HTT: variants seen among roughly 807,000 people sequenced by gnomAD.
HTT encodes huntington disease protein.
HTT carries 104 observed loss-of-function variants against 362.3 expected under a neutral mutation model. That is an observed-to-expected ratio of 0.29 (90% confidence interval 0.24 to 0.34). The LOEUF (loss-of-function observed/expected upper bound fraction) is 0.34. Ranked by LOEUF, HTT falls within the 10% of genes least tolerant of loss-of-function variation. The probability of loss-of-function intolerance (pLI) is 1.00; values close to 1 mark genes in which losing one functional copy is unlikely to be tolerated. For missense variants in HTT, 3,301 were observed against 3,928.6 expected (o/e 0.84, Z 4.27); for synonymous variants, 1,577 against 1,548.7 (o/e 1.02, Z -0.43).
Position 3,212,805 on chromosome 4 carries a change from T to G in HTT, c.6774+96T>G, listed in dbSNP as rs362334. On this transcript the variant is annotated intron_variant, in intron 49 of 66. Transcript: ENST00000355072. Reference sequence around the variant, plus strand: ...GCAGTTTTATTTGAAAAGCAAGATCTCTGACCAGTCCAGTCACTTTTCCAT... The same window carrying G: ...GCAGTTTTATTTGAAAAGCAAGATCGCTGACCAGTCCAGTCACTTTTCCAT... 1.1e-4 allele frequency: 136 copies of G among 1,281,928 alleles called. No homozygotes were observed. The African/African-American group carries it at 1.8e-3, about 17-fold the overall frequency. 79.4% of individuals were successfully genotyped at this position (1,281,928 alleles called of 1,614,324 possible). A position where few individuals can be genotyped will look rare whatever the true frequency, so the allele number is the denominator to read the frequency against.
intron 42 of HTT, among the ~76,000 whole-genome samples, chr4:3,204,633 C>A (rs2110267405): frequency 6.6e-6 from 1 of 152,030 alleles, no homozygotes; most frequent in Admixed American, 6.5e-5. Context: ...TTGAGACAAG[C>A]CTGGGCTATG....
rs944455694 is a variant in HTT, at chr4:3,078,812, G to A, written c.263+3724G>A. ...TGCAGTGGCGCGATCTCAGCTCACT[G>A]CAAGCTCCGCTTCCCGAGTTCACGC... On this transcript the variant is annotated intron_variant, in intron 1 of 66. Transcript: ENST00000355072. Among the ~76,000 whole-genome samples the A allele has an allele frequency of 6.9e-4, 104 of 151,152 alleles. 1 individual carries two copies. The highest frequency in any genetic ancestry group is 2.1e-4 in the Non-Finnish European group (14 of 67,916).
intron 40 of HTT, among the ~76,000 whole-genome samples, chr4:3,190,363 A>G (rs1438857177): frequency 6.6e-6 from 1 of 150,888 alleles, no homozygotes; most frequent in Non-Finnish European, 1.5e-5. Flanking sequence ...TCCAAAAAAA[A>G]AAAAAAGTAA....
intron 21 of HTT, among the ~76,000 whole-genome samples, chr4:3,137,973 T>C (rs1716148336): frequency 6.6e-6 from 1 of 152,240 alleles, no homozygotes; most frequent in Non-Finnish European, 1.5e-5. Context: ...TGTGTAGACA[T>C]GTCTTCATTT....
In HTT at chr4:3,228,941, C is replaced by G; in HGVS notation, c.8041C>G (p.Arg2681Gly). The part of the protein sequence containing the change: ...CSQFLLELYS[R>G]WILPSSSARR... ...GCAGTTTTTGCTTGAGTTGTACAGC[C>G]GCTGGATCCTGCCGTCCAGCTCAGC... The change falls in exon 59 of 67, where the codon CGC becomes GGC. Residue 2681 changes from arginine to glycine, a missense_variant. Physicochemically the swap from Arg to Gly is moderately radical, Grantham distance 125. This residue lies in a region of HTT where 753 missense variants were observed against 1,021.3 expected (regional missense o/e 0.74). Transcript: ENST00000355072. This position sits in a 1 kb window ranked among gnomAD's most constrained non-coding sequence, Gnocchi z 4.3. 1.9e-6 allele frequency: 3 copies of G among 1,613,712 alleles called. No homozygotes were observed. The highest frequency in any genetic ancestry group is 2.5e-6 in the Non-Finnish European group (3 of 1,179,738).
intron 2 of HTT, among the ~76,000 whole-genome samples, chr4:3,088,512 T>C (rs192489610): frequency 4.6e-5 from 7 of 152,326 alleles, no homozygotes; most frequent in African/African-American, 1.7e-4. Context: ...GCACATAAAA[T>C]TGACTGTCTT....
chr4:3,127,941 G>A (rs2110184998), intron 12 of HTT, among the ~76,000 whole-genome samples: 1 of 151,842 alleles, frequency 6.6e-6, no homozygotes, highest in South Asian at 2.1e-4. Flanking sequence ...TCCAGCCCGG[G>A]CAACAGAGCA....
intron 60 of HTT, among the ~76,000 whole-genome samples, chr4:3,232,451 T>C (rs553731196): frequency 6.6e-5 from 10 of 152,304 alleles, no homozygotes; most frequent in East Asian, 3.9e-4. Context: ...AAAGAGCAGA[T>C]TGAAAGTGAA....
intron 28 of HTT, among the ~76,000 whole-genome samples, chr4:3,159,918 A>T (rs917040501): frequency 1.6e-4 from 24 of 152,250 alleles, no homozygotes; most frequent in African/African-American, 5.5e-4. Flanking sequence ...ATCCTAGTGT[A>T]TAAGGAATAG....
rs1167249644 is a variant in HTT, at chr4:3,239,949, C to G, written c.9319C>G (p.Leu3107Val). 8 of 1,588,284 alleles carry G rather than the reference C, an allele frequency of 5.0e-6. No homozygotes were observed. The highest frequency in any genetic ancestry group is 6.9e-6 in the Non-Finnish European group (8 of 1,166,494). The change falls in exon 67 of 67, where the codon CTC becomes GTC. Residue 3107 changes from leucine to valine, a missense_variant. This residue lies in a region of HTT where 753 missense variants were observed against 1,021.3 expected (regional missense o/e 0.74). Coordinates refer to ENST00000355072, the MANE Select transcript of HTT (RefSeq NM_001388492.1). Reference sequence around the variant, plus strand: ...CTACAGACACCAGATAGAGGAGGAGCTCGACCGCAGGGCCTTCCAGTCTGT... The same window carrying G: ...CTACAGACACCAGATAGAGGAGGAGGTCGACCGCAGGGCCTTCCAGTCTGT... ...DFYRHQIEEELDRRAFQSVLE... is the reference protein window; with the variant it reads ...DFYRHQIEEEVDRRAFQSVLE...
rs181520026 is a variant in HTT at position 3,209,856 on chromosome 4, G to A, written c.6321G>A (p.Gln2107=). ...KDWYVHLVKS[Q]CWTRSDSALL... ...GGTACGTTCATCTTGTCAAATCCCA[G>A]TGTTGGACCAGGTCAGATTCTGCAC... is the stretch of plus-strand genomic sequence containing the variant. The change falls in exon 47 of 67, where the codon CAG becomes CAA. Residue 2107 remains glutamine (Q), a synonymous_variant. Coordinates refer to ENST00000355072, the MANE Select transcript of HTT (RefSeq NM_001388492.1). 38 of 1,614,134 alleles carry A rather than the reference G, an allele frequency of 2.4e-5. No homozygotes were observed. The African/African-American group carries it at 4.3e-4, about 18-fold the overall frequency.
intron 40 of HTT, among the ~76,000 whole-genome samples, chr4:3,190,647 G>A (rs1232892706): frequency 1.3e-5 from 2 of 152,158 alleles, no homozygotes; most frequent in Non-Finnish European, 2.9e-5. Flanking sequence ...AGTGAGCCAT[G>A]ATCATGCCAC....
chr4:3,201,264 C>T (rs1210545046), intron 41 of HTT, among the ~76,000 whole-genome samples: 1 of 152,168 alleles, frequency 6.6e-6, no homozygotes, highest in Non-Finnish European at 1.5e-5. Context: ...CGTGGTGGCT[C>T]ATGCCTATAA....
intron 37 of HTT, 72 bp downstream of exon 37, chr4:3,182,542 C>T (rs1718576093): frequency 1.2e-5 from 11 of 889,802 alleles, no homozygotes; most frequent in Middle Eastern, 2.8e-4. Context: ...AGGTGGGTGG[C>T]TGGAATCAGC....
intron 2 of HTT, among the ~76,000 whole-genome samples, chr4:3,088,478 C>T (rs558729339): frequency 6.6e-6 from 1 of 152,256 alleles, no homozygotes; most frequent in South Asian, 2.1e-4. Flanking sequence ...CCGGCCCTCT[C>T]TTGTCTTTTT....
In HTT at chr4:3,136,257, ATGT is replaced by A. The variant is rs1578526754; in HGVS notation, c.2733_2735del (p.Val912del). 1.2e-6 allele frequency: 2 copies of A among 1,612,126 alleles called. No homozygotes were observed. The highest frequency in any genetic ancestry group is 1.1e-5 in the South Asian group (1 of 90,994). On this transcript the variant is annotated inframe_deletion, in exon 21 of 67. Coordinates refer to ENST00000355072, the MANE Select transcript of HTT (RefSeq NM_001388492.1). ...AAACTGCAAGAACGAGTGCTCAATA[ATGT>A]TGTCATCCATTTGCTTGGAGATGAA... is the stretch of plus-strand genomic sequence containing the variant.
rs1376238816 is a variant in HTT at position 3,127,531 on chromosome 4, C to A, written c.1670C>A (p.Pro557His). The change falls in exon 12 of 67, where the codon CCC becomes CAC. Residue 557 changes from proline (P) to histidine (H), a missense_variant. Pro to His is a moderately conservative substitution (Grantham distance 77). Around this residue, in one of 4 missense-constraint regions of HTT, gnomAD observed 2,316 missense variants for 2,658.5 expected, o/e 0.87. Coordinates refer to ENST00000355072, the MANE Select transcript of HTT (RefSeq NM_001388492.1). ...DLNDGTQASS[P>H]ISDSSQTTTE... Reference sequence around the variant, plus strand: ...AATGATGGGACCCAGGCCTCGTCGCCCATCAGCGACAGCTCCCAGACCACC... The same window carrying A: ...AATGATGGGACCCAGGCCTCGTCGCACATCAGCGACAGCTCCCAGACCACC... 1 of 1,614,192 alleles carries A rather than the reference C, an allele frequency of 6.2e-7. No homozygotes were observed. Among genetic ancestry groups the A allele is most frequent in the South Asian group, 1.1e-5 (1 of 91,090 alleles).
rs751073765 is a variant in HTT, at chr4:3,105,364, C to T, written c.536C>T (p.Ala179Val). 1.2e-6 allele frequency: 2 copies of T among 1,612,952 alleles called. No individual in the cohort carries two copies. Among genetic ancestry groups the T allele is most frequent in the Non-Finnish European group, 1.7e-6 (2 of 1,178,960 alleles). The change falls in exon 5 of 67, where the codon GCC becomes GTC. Residue 179 changes from alanine to valine, a missense_variant. Transcript: ENST00000355072. ...ELYKEIKKNG[A>V]PRSLRAALWR... is the part of the protein sequence containing the mutation. The stretch of plus-strand genomic sequence containing the variant: ...CTCATTGCACCCCCTCAGAATGGTG[C>T]CCCTCGGAGTTTGCGTGCTGCCCTG...
At position 3,206,358 on chromosome 4, in the gene HTT, A is replaced by T; in HGVS notation, c.5719-138A>T. The T allele has an allele frequency of 1.5e-6, 1 of 673,750 alleles. No individual in the cohort carries two copies. The highest frequency in any genetic ancestry group is 2.5e-6 in the Non-Finnish European group (1 of 394,542). The allele number at this position is 673,750 out of a possible 1,614,324, so 41.7% of individuals were successfully genotyped here. A position where few individuals can be genotyped will look rare whatever the true frequency, so the allele number is the denominator to read the frequency against. ...CCTACCTCCTCAATTATTTGTGCTC[A>T]TACACTGTATATTTTTAGTGAGGTT... On this transcript the variant is annotated intron_variant, in intron 42 of 66. Coordinates refer to ENST00000355072, the MANE Select transcript of HTT (RefSeq NM_001388492.1). The surrounding 1 kb of genome is among the most constrained non-coding windows in gnomAD (Gnocchi z 4.6).
Sources: allele counts gnomAD v4.1 joint callset (sites outside exome capture counted in the v4.1 genomes callset), GRCh38; gene constraint gnomAD v4.1.1; regional missense constraint gnomAD v4.1.1; non-coding constraint Gnocchi (gnomAD v3.1); transcripts MANE v1.5; gene names NCBI Gene and HGNC (gene_info 2026-07-23, HGNC 2026-07-21).